BRSK1: variants seen among roughly 807,000 people sequenced by gnomAD.
BRSK1 encodes BR serine/threonine kinase 1.
BRSK1 carries 17 observed loss-of-function variants against 86.2 expected under a neutral mutation model. The observed-to-expected ratio is 0.20, with a 90% CI of 0.14 to 0.30. The LOEUF (loss-of-function observed/expected upper bound fraction) is 0.30. Ranked by LOEUF, BRSK1 falls within the 10% of genes least tolerant of loss-of-function variation. The probability of loss-of-function intolerance (pLI) is 1.00; values close to 1 mark genes in which losing one functional copy is unlikely to be tolerated. For synonymous variants in BRSK1, 464 were observed against 440.1 expected, an observed-to-expected ratio of 1.05 and a Z score of -0.68; for missense variants, 719 against 1,071.9, an observed-to-expected ratio of 0.67 and a Z score of 4.60.
At position 55,294,164 on chromosome 19, in the gene BRSK1, G is replaced by A. The variant is rs762342387; in HGVS notation, c.575+31G>A. The stretch of plus-strand genomic sequence containing the variant: ...TGGGGACTGGGCTCCCGAGACCCTG[G>A]GCAGGGGTTTAGAAGCTGGCTGGAG... On this transcript the variant is annotated intron_variant, in intron 5 of 18. Transcript: ENST00000309383. The surrounding 1 kb of genome is among the most constrained non-coding windows in gnomAD (Gnocchi z 4.9). The A allele has an allele frequency of 1.2e-5, 20 of 1,611,526 alleles. No homozygotes were observed. The South Asian group carries it at 2.2e-4, about 18-fold the overall frequency.
chr19:55,304,919 G>A lies in BRSK1; in HGVS notation c.1716G>A (p.Gln572=). The A allele has an allele frequency of 6.2e-7, 1 of 1,606,912 alleles. No homozygotes were observed. Among genetic ancestry groups the A allele is most frequent in the Non-Finnish European group, 8.5e-7 (1 of 1,179,738 alleles). The stretch of plus-strand genomic sequence containing the variant: ...CTCGCTTTCACCGGCGCAAGATGCA[G>A]GGTATGGGGGCATGAACTGCCGAGT... ...GSPRFHRRKM[Q]VPTAEEMSSL... Residue 572 remains glutamine (Q), a splice_region_variant and synonymous_variant, in exon 14 of 19, where the codon CAG becomes CAA. Coordinates refer to ENST00000309383, the MANE Select transcript of BRSK1 (RefSeq NM_032430.2). This position sits in a 1 kb window ranked among gnomAD's most constrained non-coding sequence, Gnocchi z 5.2.
In BRSK1 at chr19:55,303,838, T is replaced by C. The variant is rs2088607737; in HGVS notation, c.1286+12T>C. 2 of 1,558,692 alleles carry C rather than the reference T, an allele frequency of 1.3e-6. No homozygotes were observed. The highest frequency in any genetic ancestry group is 3.9e-5 in the Admixed American group (2 of 51,602). ...CAGCACAGCCAGAGGTGGGAGCCCC[T>C]GTCCCTCCAGGAGGATCCACAATCC... On this transcript the variant is annotated intron_variant, in intron 12 of 18. Coordinates refer to ENST00000309383, the MANE Select transcript of BRSK1 (RefSeq NM_032430.2). This position sits in a 1 kb window ranked among gnomAD's most constrained non-coding sequence, Gnocchi z 5.1.
intron 4 of BRSK1, among the ~76,000 whole-genome samples, chr19:55,292,501 T>C (rs1228814577): frequency 6.6e-6 from 1 of 152,144 alleles, no homozygotes; most frequent in Non-Finnish European, 1.5e-5. Flanking sequence ...TCCTCTTACT[T>C]TCTCTCCAGT....
chr19:55,285,709 G>A (rs577683156), intron 1 of BRSK1, among the ~76,000 whole-genome samples: 136 of 152,282 alleles, frequency 8.9e-4, no homozygotes, highest in African/African-American at 2.9e-3. Flanking sequence ...CACCGGCCGC[G>A]GCCTCCTTCC....
intron 7 of BRSK1, among the ~76,000 whole-genome samples, chr19:55,297,811 A>G (rs1250602963): frequency 6.6e-6 from 1 of 151,882 alleles, no homozygotes; most frequent in Non-Finnish European, 1.5e-5. Context: ...TTTTTATTTT[A>G]TCTATTTATT....
At position 55,303,079 on chromosome 19, in the gene BRSK1, A is replaced by C; in HGVS notation, c.1028+212A>C. On this transcript the variant is annotated intron_variant, in intron 10 of 18. Coordinates refer to ENST00000309383, the MANE Select transcript of BRSK1 (RefSeq NM_032430.2). The surrounding 1 kb of genome is among the most constrained non-coding windows in gnomAD (Gnocchi z 5.1). ...ATGCTGCGACATAGTACTTACATAT[A>C]CATAGTACTTACAAATAGTTCTTGC... The C allele has an allele frequency of 1.5e-6, 1 of 649,362 alleles. No homozygotes were observed. Among genetic ancestry groups the C allele is most frequent in the Non-Finnish European group, 2.6e-6 (1 of 382,358 alleles). The allele number at this position is 649,362 out of a possible 1,614,324, so 40.2% of individuals were successfully genotyped here. A position where few individuals can be genotyped will look rare whatever the true frequency, so the allele number is the denominator to read the frequency against.
chr19:55,307,525 A>C (rs1375818800), intron 17 of BRSK1, among the ~76,000 whole-genome samples: 1 of 136,444 alleles, frequency 7.3e-6, no homozygotes, highest in Non-Finnish European at 1.5e-5. Flanking sequence ...CTCCAGCCTG[A>C]GCGACAGAGC....
intron 4 of BRSK1, among the ~76,000 whole-genome samples, chr19:55,290,647 TC>T (rs2088390201): frequency 6.8e-6 from 1 of 147,880 alleles, no homozygotes; most frequent in African/African-American, 2.5e-5. Context: ...TTTTTCTTTT[TC>T]TTTTTTTTTT....
At chr19:55,299,233 G>T (rs1424990192) in intron 7 of BRSK1, among the ~76,000 whole-genome samples, 1 of 152,150 alleles carries the variant, frequency 6.6e-6, no homozygotes, top group Non-Finnish European at 1.5e-5. Context: ...TGTGACGAGA[G>T]GGTCAAAGGA....
In BRSK1 at chr19:55,284,492, T is replaced by TGG; in HGVS notation, c.50_51insGG (p.Pro18AlafsTer49). 2 of 776,242 alleles carry TGG rather than the reference T, an allele frequency of 2.6e-6. No homozygotes were observed. Among genetic ancestry groups the TGG allele is most frequent in the Non-Finnish European group, 3.7e-6 (2 of 546,152 alleles). 48.1% of individuals were successfully genotyped at this position (776,242 alleles called of 1,614,324 possible). On this transcript the variant is annotated frameshift_variant, in exon 1 of 19. Coordinates refer to ENST00000309383, the MANE Select transcript of BRSK1 (RefSeq NM_032430.2). LOFTEE classifies it high-confidence loss of function. The stretch of plus-strand genomic sequence containing the variant: ...GGTGGGGGCTCTCCCGCCTACCACC[T>TGG]CCCCCACCCCCACCCCCACCCACCC...
intron 1 of BRSK1, 126 bp from the exon 2 acceptor site, chr19:55,286,881 G>A: frequency 2.5e-6 from 2 of 806,084 alleles, no homozygotes; most frequent in Non-Finnish European, 4.2e-6. Flanking sequence ...GGTCTGATGT[G>A]TTCAGGCCAT....
rs1018354317 is a variant in BRSK1, at chr19:55,285,385, G to A, written c.136+807G>A. On this transcript the variant is annotated intron_variant, in intron 1 of 18. Transcript: ENST00000309383. ...AGGCTGGAGGGGCTCCAGGGCCAGGGAGGGGATGGAGGCGGCCTGCAGAGT... is the reference window on the plus strand; with the variant it reads ...AGGCTGGAGGGGCTCCAGGGCCAGGAAGGGGATGGAGGCGGCCTGCAGAGT... Among the ~76,000 whole-genome samples the A allele has an allele frequency of 1.2e-4, 18 of 152,236 alleles. No individual in the cohort carries two copies. The East Asian group carries it at 1.5e-3, about 13-fold the overall frequency.
chr19:55,305,747 AT>A (rs1292442174), intron 16 of BRSK1, among the ~76,000 whole-genome samples, 161 bp downstream of exon 16: 1 of 152,004 alleles, frequency 6.6e-6, no homozygotes, highest in Non-Finnish European at 1.5e-5. Flanking sequence ...GGCAGGAAAG[AT>A]TTATCGTGGC....
rs757271976 is a variant in BRSK1, at chr19:55,294,228, C to T, written c.590C>T (p.Ala197Val). The stretch of plus-strand genomic sequence containing the variant: ...CTCTCCCTCAGGTCCCCCCATTATG[C>T]GTGTCCAGAGGTGATTAAGGTGAGT... The part of the protein sequence containing the change: ...LETSCGSPHY[A>V]CPEVIKGEKY... Residue 197 changes from alanine (A) to valine (V), a missense_variant, in exon 6 of 19, where the codon GCG becomes GTG. This residue lies in a region of BRSK1 where 75 missense variants were observed against 281.0 expected (regional missense o/e 0.27). Transcript: ENST00000309383. The surrounding 1 kb of genome is among the most constrained non-coding windows in gnomAD (Gnocchi z 4.9). 6.2e-7 allele frequency: 1 copy of T among 1,613,860 alleles called. No homozygotes were observed. The highest frequency in any genetic ancestry group is 8.5e-7 in the Non-Finnish European group (1 of 1,179,890).
intron 4 of BRSK1, among the ~76,000 whole-genome samples, chr19:55,293,597 G>A (rs1262872104): frequency 6.6e-6 from 1 of 151,960 alleles, no homozygotes; most frequent in Non-Finnish European, 1.5e-5. Context: ...CGGATCATGA[G>A]GTCAGGAGCT....
chr19:55,301,738 G>A, intron 8 of BRSK1, 80 bp downstream of exon 8: 13 of 1,497,224 alleles, frequency 8.7e-6, no homozygotes, highest in Non-Finnish European at 1.2e-5. Flanking sequence ...ATGGGGATGG[G>A]TTTCCAGAAC....
chr19:55,301,235 T>C (rs1199558300), intron 7 of BRSK1, among the ~76,000 whole-genome samples: 2 of 152,224 alleles, frequency 1.3e-5, no homozygotes, highest in Admixed American at 6.5e-5. Context: ...AATGAGTGAA[T>C]GAGAGACAAC....
chr19:55,284,018 G>A lies in BRSK1; in HGVS notation c.-425G>A. The A allele has an allele frequency of 2.4e-6, 3 of 1,240,072 alleles. No homozygotes were observed. Among genetic ancestry groups the A allele is most frequent in the Non-Finnish European group, 3.0e-6 (3 of 993,320 alleles). The allele number at this position is 1,240,072 out of a possible 1,614,324, so 76.8% of individuals were successfully genotyped here. ...CCCCGGATGGTGATGTCAGCGTGCC[G>A]GAGAGAAAGGACGAGGTGGCGGGGG... On this transcript the variant is annotated 5_prime_UTR_variant, in exon 1 of 19. Transcript: ENST00000309383.
chr19:55,294,264 T>G lies in BRSK1; in HGVS notation c.609+17T>G. 6.2e-7 allele frequency: 1 copy of G among 1,613,830 alleles called. No individual in the cohort carries two copies. Among genetic ancestry groups the G allele is most frequent in the East Asian group, 2.2e-5 (1 of 44,856 alleles). On this transcript the variant is annotated intron_variant, in intron 6 of 18. Transcript: ENST00000309383. This position sits in a 1 kb window ranked among gnomAD's most constrained non-coding sequence, Gnocchi z 4.9. ...GTGATTAAGGTGAGTGAGGGGCGGA[T>G]AGAGGGGAGAGGGGTGGAGGCAGCA... is the stretch of plus-strand genomic sequence containing the variant.
Sources: allele counts gnomAD v4.1 joint callset (sites outside exome capture counted in the v4.1 genomes callset), GRCh38; gene constraint gnomAD v4.1.1; regional missense constraint gnomAD v4.1.1; non-coding constraint Gnocchi (gnomAD v3.1); transcripts MANE v1.5; gene names NCBI Gene and HGNC (gene_info 2026-07-23, HGNC 2026-07-21).